The following TENM4 variants were observed in gnomAD, a reference collection of about 807,000 sequenced individuals.
TENM4 encodes the protein teneurin-4.
In TENM4, 82 loss-of-function variants were observed where a neutral mutation model predicts 243.3. The observed-to-expected ratio is 0.34, with a 90% confidence interval of 0.28 to 0.40. TENM4 has a LOEUF of 0.40. TENM4 is among the 10% of genes least tolerant of loss of function. The pLI is 1.00. For synonymous variants in TENM4, 1,412 were observed against 1,456.3 expected (o/e 0.97, Z 0.69); for missense variants, 3,138 against 3,673.3 (o/e 0.85, Z 3.77).
chr11:79,083,321 G>T (rs142796817), intron 4 of TENM4, among the ~76,000 whole-genome samples: 1 of 152,322 alleles, frequency 6.6e-6, no homozygotes, highest in Non-Finnish European at 1.5e-5. Context: ...GGCAGACTGG[G>T]TGGCTTCAGC....
chr11:79,175,252 T>C (rs1283150232), intron 3 of TENM4, among the ~76,000 whole-genome samples: 2 of 152,098 alleles, frequency 1.3e-5, no homozygotes, highest in African/African-American at 4.8e-5. Context: ...CTAAAAAATA[T>C]CCCAAGCAAG....
chr11:78,859,943 T>C (rs1591077397), intron 10 of TENM4, among the ~76,000 whole-genome samples: 1 of 152,228 alleles, frequency 6.6e-6, no homozygotes, highest in East Asian at 1.9e-4. Flanking sequence ...CTTGTGGCTT[T>C]AGTTCGAAAA....
intron 6 of TENM4, among the ~76,000 whole-genome samples, chr11:78,904,040 C>T (rs1351463414): frequency 1.3e-5 from 2 of 152,144 alleles, no homozygotes; most frequent in African/African-American, 4.8e-5. Context: ...TGATGGTACA[C>T]AGTAAACGAA....
chr11:79,226,889 A>G (rs1405299510), intron 2 of TENM4, among the ~76,000 whole-genome samples: 1 of 152,176 alleles, frequency 6.6e-6, no homozygotes, highest in Admixed American at 6.5e-5. Context: ...CTCAGCTTTG[A>G]ACAAAAGCGG....
At chr11:79,247,000 A>ACC (rs35317961) in intron 2 of TENM4, among the ~76,000 whole-genome samples, 6,149 of 141,216 alleles carry the variant, frequency 0.044, 210 homozygotes, top group Middle Eastern at 0.11. Flanking sequence ...AAAAAAAAAC[A>ACC]CCCCCCCACC....
intron 6 of TENM4, among the ~76,000 whole-genome samples, chr11:79,016,934 TC>T (rs1270987885): frequency 1.3e-5 from 2 of 152,212 alleles, no homozygotes; most frequent in Non-Finnish European, 2.9e-5. Context: ...TTACTTTACC[TC>T]TCTGACCTTG....
rs1221043311 is a variant in TENM4, at chr11:78,829,668, T to C, written c.1682-15273A>G. ...ATCTCCTTTGTGACTTTGAACAAGT[T>C]ACTTCATCTCTCTGTGTCTCAGTTT... On this transcript the variant is annotated intron_variant, in intron 12 of 33. Transcript: ENST00000278550. Among the ~76,000 whole-genome samples, 9 of 152,312 alleles carry C rather than the reference T, an allele frequency of 5.9e-5. No individual in the cohort carries two copies. The East Asian group carries it at 1.7e-3, about 29-fold the overall frequency.
chr11:78,742,785 G>A (rs1855961130), intron 19 of TENM4, among the ~76,000 whole-genome samples: 2 of 152,108 alleles, frequency 1.3e-5, no homozygotes. Flanking sequence ...ATCAACAGAA[G>A]AATCTGCTGG....
In TENM4 at chr11:79,015,694, C is replaced by A. The variant is rs925174056; in HGVS notation, c.493+49044G>T. The stretch of plus-strand genomic sequence containing the variant: ...AGTCTGCTGCACTATGTGTCTGGCA[C>A]TACGCTTACTGCTGGAGGTACCACA... On this transcript the variant is annotated intron_variant, in intron 6 of 33. Transcript: ENST00000278550. Among the ~76,000 whole-genome samples, 10 of 152,256 alleles carry A rather than the reference C, an allele frequency of 6.6e-5. No homozygotes were observed. In the East Asian group the frequency reaches 1.9e-3, roughly 29 times the overall value.
At chr11:78,996,729 G>A (rs556091410) in intron 6 of TENM4, among the ~76,000 whole-genome samples, 2 of 152,292 alleles carry the variant, frequency 1.3e-5, no homozygotes, top group East Asian at 1.9e-4. Flanking sequence ...GAGTCAAGGT[G>A]AGGCTCCTTC....
At chr11:79,140,953 T>G (rs1862274635) in intron 4 of TENM4, among the ~76,000 whole-genome samples, 1 of 151,960 alleles carries the variant, frequency 6.6e-6, no homozygotes, top group Non-Finnish European at 1.5e-5. Flanking sequence ...GACTCTACCG[T>G]CTGTGGGTGG....
At chr11:78,969,903 T>C (rs537814137) in intron 6 of TENM4, among the ~76,000 whole-genome samples, 1 of 152,336 alleles carries the variant, frequency 6.6e-6, no homozygotes, top group Non-Finnish European at 1.5e-5. Flanking sequence ...ACAAAATCCT[T>C]AGACCTAAGC....
intron 4 of TENM4, among the ~76,000 whole-genome samples, chr11:79,129,194 GA>G (rs1861945676): frequency 6.6e-6 from 1 of 152,044 alleles, no homozygotes; most frequent in Non-Finnish European, 1.5e-5. Context: ...AGGGGTAGAG[GA>G]AGCAGCAGAA....
Position 78,854,126 on chromosome 11 carries a change from A to G in TENM4, c.1659T>C (p.Val553=), listed in dbSNP as rs762328220. 20 of 1,551,582 alleles carry G rather than the reference A, an allele frequency of 1.3e-5. No individual in the cohort carries two copies. Among genetic ancestry groups the G allele is most frequent in the Non-Finnish European group, 1.6e-5 (18 of 1,146,980 alleles). The change falls in exon 12 of 34, where the codon GTT becomes GTC. Residue 553 remains valine, a synonymous_variant. Coordinates refer to ENST00000278550, the MANE Select transcript of TENM4 (RefSeq NM_001098816.3). ...TACCAATGGCAGTGGTGAGAAAGGA[A>G]ACCACTTCTGACTCCTTTCCGTCAT... ...FYNDGKESEV[V]SFLTTAIESV... is the part of the protein sequence containing the mutation.
chr11:78,771,364 G>A (rs1400012027), intron 17 of TENM4, among the ~76,000 whole-genome samples: 5 of 152,174 alleles, frequency 3.3e-5, no homozygotes, highest in South Asian at 4.1e-4. Flanking sequence ...AGTCAGAAGC[G>A]GCAGGGACAG....
intron 16 of TENM4, among the ~76,000 whole-genome samples, chr11:78,784,109 G>A (rs1340926772): frequency 3.3e-5 from 5 of 152,162 alleles, no homozygotes; most frequent in Non-Finnish European, 7.3e-5. Context: ...ATTGCAGCTA[G>A]GAGCTAGCTA....
chr11:78,919,414 A>G (rs1856395271), intron 6 of TENM4, among the ~76,000 whole-genome samples: 1 of 151,962 alleles, frequency 6.6e-6, no homozygotes, highest in Non-Finnish European at 1.5e-5. Context: ...CCCTCCCTCC[A>G]CATCACCCAT....
At chr11:79,026,764 C>G (rs889262762) in intron 6 of TENM4, among the ~76,000 whole-genome samples, 22 of 152,250 alleles carry the variant, frequency 1.4e-4, no homozygotes, top group Admixed American at 1.0e-3. Flanking sequence ...GATCCCCAAA[C>G]CTTACAGAGT....
chr11:79,252,994 A>G (rs1001020546), intron 2 of TENM4, among the ~76,000 whole-genome samples: 2 of 152,186 alleles, frequency 1.3e-5, no homozygotes, highest in African/African-American at 4.8e-5. Context: ...ATATCAACAG[A>G]TTTTAGAATT....
Sources: allele counts gnomAD v4.1 joint callset (sites outside exome capture counted in the v4.1 genomes callset), GRCh38; gene constraint gnomAD v4.1.1; transcripts MANE v1.5; gene names NCBI Gene and HGNC (gene_info 2026-07-23, HGNC 2026-07-21).